RASGRP1: variants seen among roughly 807,000 people sequenced by gnomAD.
The protein encoded by RASGRP1 is RAS guanyl-releasing protein 1.
A neutral mutation model predicts 95.1 loss-of-function variants in RASGRP1; 37 were observed. The observed-to-expected ratio is 0.39, with a 90% CI of 0.30 to 0.51. The LOEUF (loss-of-function observed/expected upper bound fraction) is 0.51, where lower values mean the gene tolerates loss of function less well. Among genes scored for constraint, RASGRP1 ranks in the 20% least tolerant of loss-of-function variants. The probability of loss-of-function intolerance (pLI) is 0.80; values close to 1 mark genes in which losing one functional copy is unlikely to be tolerated. For missense variants in RASGRP1, 711 were observed against 965.4 expected (o/e 0.74, Z 3.49); for synonymous variants, 325 against 353.4 (o/e 0.92, Z 0.90).
chr15:38,489,036 T>A lies in RASGRP1; in HGVS notation c.*1518A>T, dbSNP rs1400040959. 6.6e-6 allele frequency: 1 copy of A among 152,052 alleles called. No homozygotes were observed. Among genetic ancestry groups the A allele is most frequent in the African/African-American group, 2.4e-5 (1 of 41,440 alleles). 9.4% of individuals were successfully genotyped at this position (152,052 alleles called of 1,614,324 possible). On this transcript the variant is annotated 3_prime_UTR_variant, in exon 17 of 17. Coordinates refer to ENST00000310803, the MANE Select transcript of RASGRP1 (RefSeq NM_005739.4). ...GGAACTGATCTTTCATCAAAGAGAA[T>A]TCCTAAATGATCTGAATCCTCCAGG...
chr15:38,528,479 A>C (rs1290342653), intron 2 of RASGRP1, among the ~76,000 whole-genome samples: 1 of 152,052 alleles, frequency 6.6e-6, no homozygotes, highest in African/African-American at 2.4e-5. Context: ...TTACTTTATG[A>C]CTCAGTAGCA....
chr15:38,511,708 G>A lies in RASGRP1; in HGVS notation c.862C>T (p.Leu288=). The A allele has an allele frequency of 6.2e-7, 1 of 1,613,110 alleles. No homozygotes were observed. The highest frequency in any genetic ancestry group is 8.5e-7 in the Non-Finnish European group (1 of 1,179,206). The change falls in exon 8 of 17, where the codon CTA becomes TTA. Residue 288 remains leucine, a synonymous_variant. Coordinates refer to ENST00000310803, the MANE Select transcript of RASGRP1 (RefSeq NM_005739.4). ...FIQVAQKLHQ[L]QNFNTLMAVI... ...GCCATCAGTGTATTGAAGTTCTGTA[G>A]TTGGTGGAGCTTCTGTGACACAGAA...
intron 14 of RASGRP1, 43 bp downstream of exon 14, chr15:38,500,060 T>C: frequency 6.3e-7 from 1 of 1,597,032 alleles, no homozygotes; most frequent in Non-Finnish European, 8.6e-7. Context: ...AGCGTGAGAA[T>C]GGACTGATAC....
intron 9 of RASGRP1, among the ~76,000 whole-genome samples, chr15:38,507,337 T>TTAAAA (rs1566914595): frequency 1.3e-5 from 2 of 151,822 alleles, no homozygotes; most frequent in African/African-American, 2.4e-5. Flanking sequence ...TTGTTTGTTT[T>TTAAAA]TTAAATTACT....
rs1177484793 is a variant in RASGRP1 at position 38,488,135 on chromosome 15, A to C, written c.*2419T>G. ...GATCCTAATGTCTTTTATCATATAAATATTACACAAAGAAAACTTACATTA... is the reference window on the plus strand; with the variant it reads ...GATCCTAATGTCTTTTATCATATAACTATTACACAAAGAAAACTTACATTA... On this transcript the variant is annotated 3_prime_UTR_variant, in exon 17 of 17. Transcript: ENST00000310803. 1 of 152,068 alleles carries C rather than the reference A, an allele frequency of 6.6e-6. No individual in the cohort carries two copies. The highest frequency in any genetic ancestry group is 1.5e-5 in the Non-Finnish European group (1 of 67,914). 9.4% of individuals were successfully genotyped at this position (152,068 alleles called of 1,614,324 possible). A position where few individuals can be genotyped will look rare whatever the true frequency, so the allele number is the denominator to read the frequency against.
At chr15:38,526,271 G>A (rs1401731183) in intron 3 of RASGRP1, 28 bp downstream of exon 3, 5 of 1,559,276 alleles carry the variant, frequency 3.2e-6, no homozygotes, top group Non-Finnish European at 4.4e-6. Context: ...CCCATTTTGG[G>A]ATTGCCAGTC....
In RASGRP1 at chr15:38,564,712, C is replaced by T. The variant is rs531239612; in HGVS notation, c.-84G>A. ...CCCCCGCCACCACCGCCGCCGCCTG[C>T]CGGCTCTCTCCCCCCCGGGCCTCGT... On this transcript the variant is annotated 5_prime_UTR_variant, in exon 1 of 17. Coordinates refer to ENST00000310803, the MANE Select transcript of RASGRP1 (RefSeq NM_005739.4). 387 of 1,118,988 alleles carry T rather than the reference C, an allele frequency of 3.5e-4. 2 individuals are homozygous for T. In the African/African-American group the frequency reaches 5.9e-3, roughly 17 times the overall value. The allele number at this position is 1,118,988 out of a possible 1,614,324, so 69.3% of individuals were successfully genotyped here. A position where few individuals can be genotyped will look rare whatever the true frequency, so the allele number is the denominator to read the frequency against.
At chr15:38,504,801 G>C (rs1309208852) in intron 10 of RASGRP1, 1 of 148,632 alleles carries the variant, frequency 6.7e-6, no homozygotes, top group African/African-American at 2.4e-5. Context: ...CAGACATAGT[G>C]AGTAATGTGT....
At chr15:38,550,321 G>A (rs1893288883) in intron 2 of RASGRP1, among the ~76,000 whole-genome samples, 1 of 150,750 alleles carries the variant, frequency 6.6e-6, no homozygotes, top group South Asian at 2.1e-4. Context: ...TGAAAGTAAA[G>A]TTTCTCTTCA....
In RASGRP1 at chr15:38,512,772, C is replaced by T. The variant is rs770359442; in HGVS notation, c.849+11G>A. The T allele has an allele frequency of 3.7e-6, 6 of 1,613,290 alleles. No homozygotes were observed. The highest frequency in any genetic ancestry group is 3.4e-6 in the Non-Finnish European group (4 of 1,179,580). ...ATAGCCCAAGCCAAATGTCTTAAACCAGTTATTCACCTGAGCCACCTGGAT... is the reference window on the plus strand; with the variant it reads ...ATAGCCCAAGCCAAATGTCTTAAACTAGTTATTCACCTGAGCCACCTGGAT... On this transcript the variant is annotated intron_variant, in intron 7 of 16. Coordinates refer to ENST00000310803, the MANE Select transcript of RASGRP1 (RefSeq NM_005739.4).
At chr15:38,517,937 A>AGGCACACCTGAACT (rs1891853422) in intron 5 of RASGRP1, among the ~76,000 whole-genome samples, 6 of 152,192 alleles carry the variant, frequency 3.9e-5, no homozygotes, top group African/African-American at 1.4e-4. Context: ...TTACAAGTTC[A>AGGCACACCTGAACT]GGTGTGCCTC....
At chr15:38,522,255 TTCAA>T (rs1402489701) in intron 3 of RASGRP1, among the ~76,000 whole-genome samples, 1 of 152,212 alleles carries the variant, frequency 6.6e-6, no homozygotes, top group Admixed American at 6.5e-5. Flanking sequence ...TAATTTGTAA[TTCAA>T]TCAATTTTTC....
chr15:38,564,114 G>A (rs867900147), intron 1 of RASGRP1, among the ~76,000 whole-genome samples: 1 of 152,234 alleles, frequency 6.6e-6, no homozygotes. Context: ...CCGTGGGGCA[G>A]GGGCAACCGA....
rs181120536 is a variant in RASGRP1, at chr15:38,534,809, G to T, written c.221-8405C>A. Among the ~76,000 whole-genome samples the T allele has an allele frequency of 1.5e-3, 236 of 152,276 alleles. 1 individual carries two copies. The highest frequency in any genetic ancestry group is 4.3e-3 in the African/African-American group (178 of 41,556). ...AAGCCAACGTGGAAAAGACTTGAAGGAAAAGAACCCATGCTTCCTGCCTCT... is the reference window on the plus strand; with the variant it reads ...AAGCCAACGTGGAAAAGACTTGAAGTAAAAGAACCCATGCTTCCTGCCTCT... On this transcript the variant is annotated intron_variant, in intron 2 of 16. Transcript: ENST00000310803.
intron 16 of RASGRP1, among the ~76,000 whole-genome samples, chr15:38,493,888 A>T (rs1391909351): frequency 6.6e-6 from 1 of 152,236 alleles, no homozygotes; most frequent in Non-Finnish European, 1.5e-5. Flanking sequence ...TCTTAGGAAG[A>T]TGCTTAGGTA....
intron 1 of RASGRP1, 34 bp from the exon 2 acceptor site, chr15:38,560,039 C>T (rs753949719): frequency 1.2e-5 from 18 of 1,544,278 alleles, no homozygotes; most frequent in Admixed American, 1.1e-4. Flanking sequence ...AGGGGACAAA[C>T]GGGCAGCTCC....
intron 1 of RASGRP1, 189 bp from the exon 2 acceptor site, chr15:38,560,194 G>A (rs944889311): frequency 9.8e-6 from 6 of 609,854 alleles, no homozygotes; most frequent in Admixed American, 8.0e-5. Context: ...CCCCAGCAAA[G>A]GTGAGATTTC....
chr15:38,494,223 TCCTC>T, intron 16 of RASGRP1, 155 bp downstream of exon 16: 1 of 955,886 alleles, frequency 1.0e-6, no homozygotes, highest in African/African-American at 1.6e-5. Flanking sequence ...CTCCCTCTCT[TCCTC>T]CCTGTTTCTC....
intron 3 of RASGRP1, among the ~76,000 whole-genome samples, chr15:38,522,452 A>G (rs1459252368): frequency 6.6e-6 from 1 of 152,220 alleles, no homozygotes; most frequent in Non-Finnish European, 1.5e-5. Flanking sequence ...AACACTTCAC[A>G]CTTTCTGTGA....
Sources: allele counts gnomAD v4.1 joint callset (sites outside exome capture counted in the v4.1 genomes callset), GRCh38; gene constraint gnomAD v4.1.1; transcripts MANE v1.5; gene names NCBI Gene and HGNC (gene_info 2026-07-23, HGNC 2026-07-21).